Variants in RNGTT observed in about 807,000 individuals in gnomAD.
RNGTT encodes mRNA-capping enzyme.
RNGTT carries 33 observed loss-of-function variants against 79.3 expected under a neutral mutation model. The observed-to-expected ratio is 0.42, with a 90% CI of 0.32 to 0.56. The LOEUF is 0.56. Ranked by LOEUF, RNGTT falls within the 20% of genes least tolerant of loss-of-function variation. RNGTT has a pLI of 0.17. For synonymous variants in RNGTT, 222 were observed against 235.9 expected (o/e 0.94, Z 0.54); for missense variants, 497 against 739.1 (o/e 0.67, Z 3.80).
chr6:88,939,050 T>G (rs1327955652), intron 2 of RNGTT, among the ~76,000 whole-genome samples: 1 of 152,194 alleles, frequency 6.6e-6, no homozygotes, highest in African/African-American at 2.4e-5. Flanking sequence ...AATTTTCTCT[T>G]TGACTTTTAA....
chr6:88,895,599 C>T (rs1168124130), intron 6 of RNGTT, among the ~76,000 whole-genome samples: 1 of 152,040 alleles, frequency 6.6e-6, no homozygotes, highest in African/African-American at 2.4e-5. Flanking sequence ...CTGTACTTAA[C>T]AAAAATAAAG....
At chr6:88,724,564 G>C (rs2127815463) in intron 13 of RNGTT, among the ~76,000 whole-genome samples, 2 of 152,268 alleles carry the variant, frequency 1.3e-5, no homozygotes. Flanking sequence ...ACAGACAGGG[G>C]AAGGGGGAGA....
intron 13 of RNGTT, among the ~76,000 whole-genome samples, chr6:88,694,409 C>G (rs1237763926): frequency 6.6e-6 from 1 of 151,852 alleles, no homozygotes; most frequent in Non-Finnish European, 1.5e-5. Context: ...GAAAGGCCTA[C>G]ACACGAAAAA....
chr6:88,822,851 T>G (rs1780538484), intron 11 of RNGTT, among the ~76,000 whole-genome samples: 1 of 152,172 alleles, frequency 6.6e-6, no homozygotes, highest in East Asian at 1.9e-4. Context: ...AAAGAAGTCT[T>G]TTCAACAAAT....
chr6:88,820,056 G>A (rs1292411892), intron 11 of RNGTT, among the ~76,000 whole-genome samples: 2 of 152,028 alleles, frequency 1.3e-5, no homozygotes, highest in Non-Finnish European at 2.9e-5. Context: ...TTTTAGACTT[G>A]GAAAACCAAG....
At chr6:88,930,371 G>C (rs1180359654) in intron 2 of RNGTT, among the ~76,000 whole-genome samples, 1 of 151,720 alleles carries the variant, frequency 6.6e-6, no homozygotes, top group African/African-American at 2.4e-5. Context: ...TTAAGAAGAT[G>C]GTAGTACGGG....
At chr6:88,925,425 T>C (rs767011851) in intron 4 of RNGTT, among the ~76,000 whole-genome samples, 5 of 151,986 alleles carry the variant, frequency 3.3e-5, no homozygotes, top group Middle Eastern at 3.4e-3. Flanking sequence ...ACAGTGTCTC[T>C]ACAAAAAATA....
intron 13 of RNGTT, among the ~76,000 whole-genome samples, chr6:88,768,708 A>G (rs1778548753): frequency 6.6e-6 from 1 of 152,204 alleles, no homozygotes. Context: ...TTCCTTGATT[A>G]AGGATTTCTT....
intron 2 of RNGTT, among the ~76,000 whole-genome samples, chr6:88,931,645 A>G (rs1784516924): frequency 6.6e-6 from 1 of 152,176 alleles, no homozygotes; most frequent in Non-Finnish European, 1.5e-5. Context: ...TCTCTCATAA[A>G]TTCCTTAAGT....
intron 11 of RNGTT, among the ~76,000 whole-genome samples, chr6:88,836,021 CACAT>C (rs77747441): frequency 0.15 from 17,502 of 116,660 alleles, 1,203 homozygotes; most frequent in Non-Finnish European, 0.2. Flanking sequence ...CACACACACA[CACAT>C]ATATATATAA....
At chr6:88,739,775 A>ATATG (rs1178369869) in intron 13 of RNGTT, among the ~76,000 whole-genome samples, 1 of 125,276 alleles carries the variant, frequency 8.0e-6, no homozygotes, top group African/African-American at 3.3e-5. Flanking sequence ...ATATATATAT[A>ATATG]TATGTTAACA....
At chr6:88,928,157 A>G (rs961832952) in intron 4 of RNGTT, among the ~76,000 whole-genome samples, 2 of 152,214 alleles carry the variant, frequency 1.3e-5, no homozygotes, top group Non-Finnish European at 2.9e-5. Flanking sequence ...GGCTGCAGTG[A>G]GCCAAGATCG....
intron 4 of RNGTT, among the ~76,000 whole-genome samples, chr6:88,912,413 A>C (rs920716950): frequency 6.6e-6 from 1 of 152,154 alleles, no homozygotes; most frequent in African/African-American, 2.4e-5. Flanking sequence ...TGCCACCAAA[A>C]ATAAAAAGAA....
intron 8 of RNGTT, among the ~76,000 whole-genome samples, chr6:88,879,258 G>C (rs1450862452): frequency 6.6e-6 from 1 of 152,138 alleles, no homozygotes; most frequent in East Asian, 1.9e-4. Context: ...GACAGGTGTG[G>C]TGGCATGCGC....
chr6:88,827,115 GTACAGCTCCAGTC>G (rs1780694246), intron 11 of RNGTT, among the ~76,000 whole-genome samples: 1 of 151,960 alleles, frequency 6.6e-6, no homozygotes, highest in Non-Finnish European at 1.5e-5. Flanking sequence ...GGCCAAATAG[GTACAGCTCCAGTC>G]TGCAGCTCCC....
intron 13 of RNGTT, among the ~76,000 whole-genome samples, chr6:88,699,599 AGG>A (rs1463637919): frequency 2.6e-5 from 4 of 152,174 alleles, no homozygotes; most frequent in Non-Finnish European, 4.4e-5. Context: ...TAGGAGGCTG[AGG>A]CTGCAGTGAG....
intron 12 of RNGTT, among the ~76,000 whole-genome samples, chr6:88,771,313 G>GTA (rs1250939965): frequency 5.2e-4 from 25 of 47,726 alleles, no homozygotes; most frequent in African/African-American, 1.6e-3. Context: ...ATGTGTGTGT[G>GTA]TGTATATATA....
At chr6:88,638,950 C>A (rs1022593588) in intron 14 of RNGTT, among the ~76,000 whole-genome samples, 2 of 152,108 alleles carry the variant, frequency 1.3e-5, no homozygotes, top group South Asian at 2.1e-4. Flanking sequence ...ATCAGCCAAA[C>A]TGAATTATAC....
chr6:88,679,531 T>C (rs1057420132), intron 13 of RNGTT, among the ~76,000 whole-genome samples: 2 of 152,186 alleles, frequency 1.3e-5, no homozygotes, highest in African/African-American at 4.8e-5. Context: ...TTATTTCTTA[T>C]AAAACAATAA....
Sources: gnomAD v4.1 joint callset for allele counts (sites outside exome capture counted in the v4.1 genomes callset) on GRCh38, gnomAD v4.1.1 for gene constraint, MANE v1.5 for transcripts, NCBI Gene and HGNC (gene_info 2026-07-23, HGNC 2026-07-21) for gene names.